Variants in CYP39A1 observed in about 807,000 individuals in gnomAD.
CYP39A1 encodes the protein 24-hydroxycholesterol 7-alpha-hydroxylase.
In CYP39A1, 49 loss-of-function variants were observed where a neutral mutation model predicts 58.1. The observed-to-expected ratio is 0.84, with a 90% confidence interval of 0.67 to 1.07. CYP39A1 has a LOEUF of 1.07. CYP39A1 is among the 50% of genes least tolerant of loss of function. The pLI, the probability that CYP39A1 is intolerant of heterozygous loss-of-function variation, is 0.00. For missense variants in CYP39A1, 531 were observed against 539.4 expected (o/e 0.98, Z 0.16); for synonymous variants, 209 against 187.6 (o/e 1.11, Z -0.93).
chr6:46,555,022 C>T (rs979945471), intron 10 of CYP39A1, among the ~76,000 whole-genome samples: 7 of 150,038 alleles, frequency 4.7e-5, no homozygotes, highest in African/African-American at 1.5e-4. Context: ...TCTTCACTAT[C>T]TCCTCATTAC....
At chr6:46,613,910 T>C (rs1483358505) in intron 7 of CYP39A1, among the ~76,000 whole-genome samples, 1 of 145,550 alleles carries the variant, frequency 6.9e-6, no homozygotes, top group Non-Finnish European at 1.5e-5. Flanking sequence ...CTTTAGTAGT[T>C]ATTTTGAAAA....
intron 7 of CYP39A1, among the ~76,000 whole-genome samples, chr6:46,615,696 A>G (rs1264962607): frequency 6.6e-6 from 1 of 151,922 alleles, no homozygotes; most frequent in East Asian, 1.9e-4. Flanking sequence ...CCTAATATTA[A>G]CCATTTTTTA....
intron 4 of CYP39A1, 84 bp downstream of exon 4, chr6:46,637,745 A>C (rs1423410776): frequency 6.9e-7 from 1 of 1,448,338 alleles, no homozygotes; most frequent in African/African-American, 1.4e-5. Context: ...CTGCTGTTAC[A>C]TCTACTTAGA....
chr6:46,632,937 T>A (rs572085192), intron 5 of CYP39A1, among the ~76,000 whole-genome samples: 1 of 152,038 alleles, frequency 6.6e-6, no homozygotes, highest in Non-Finnish European at 1.5e-5. Context: ...AAAAAACTAT[T>A]CAATCACTAG....
At chr6:46,619,578 T>C (rs1188248269) in intron 7 of CYP39A1, among the ~76,000 whole-genome samples, 1 of 152,040 alleles carries the variant, frequency 6.6e-6, no homozygotes, top group East Asian at 1.9e-4. Context: ...AAAATATCTA[T>C]CTGAAGAGGA....
chr6:46,630,645 G>A (rs1775601453), intron 6 of CYP39A1, among the ~76,000 whole-genome samples: 1 of 152,076 alleles, frequency 6.6e-6, no homozygotes, highest in South Asian at 2.1e-4. Flanking sequence ...TGAGCACATT[G>A]GTAGACATAC....
intron 10 of CYP39A1, among the ~76,000 whole-genome samples, chr6:46,575,266 T>A (rs911258908): frequency 3.3e-5 from 5 of 152,152 alleles, no homozygotes; most frequent in African/African-American, 1.2e-4. Context: ...TAGTGGAGCA[T>A]GGCCATGGAC....
At chr6:46,636,623 G>A (rs951436666) in intron 4 of CYP39A1, 141 bp from the exon 5 acceptor site, 8 of 619,814 alleles carry the variant, frequency 1.3e-5, no homozygotes, top group South Asian at 2.0e-5. Context: ...TTTCATGGAA[G>A]GTCTACCTTC....
chr6:46,648,744 G>C (rs1241580277), intron 1 of CYP39A1, among the ~76,000 whole-genome samples: 1 of 151,682 alleles, frequency 6.6e-6, no homozygotes, highest in Non-Finnish European at 1.5e-5. Flanking sequence ...ATGCAGAGAG[G>C]GTAGGTCAAA....
chr6:46,568,748 A>C (rs537430461), intron 10 of CYP39A1, among the ~76,000 whole-genome samples: 7 of 152,160 alleles, frequency 4.6e-5, no homozygotes, highest in African/African-American at 1.7e-4. Context: ...ATTGGTCTAC[A>C]TGTCTATCTT....
chr6:46,624,401 T>A (rs1321942019), intron 7 of CYP39A1, among the ~76,000 whole-genome samples: 1 of 152,200 alleles, frequency 6.6e-6, no homozygotes, highest in Admixed American at 6.5e-5. Context: ...CTTTCCAGAA[T>A]CTAACCTGTT....
intron 3 of CYP39A1, among the ~76,000 whole-genome samples, chr6:46,639,041 C>T (rs1776165620): frequency 6.6e-6 from 1 of 152,166 alleles, no homozygotes; most frequent in Non-Finnish European, 1.5e-5. Context: ...GTAACACAAA[C>T]ATCTCCTGGA....
chr6:46,630,745 C>A (rs552800494), intron 6 of CYP39A1, among the ~76,000 whole-genome samples: 1 of 152,334 alleles, frequency 6.6e-6, no homozygotes, highest in African/African-American at 2.4e-5. Context: ...TTTCAGAGGA[C>A]AGAATTTGCT....
chr6:46,632,812 A>G (rs1292389522), intron 5 of CYP39A1, among the ~76,000 whole-genome samples: 1 of 152,110 alleles, frequency 6.6e-6, no homozygotes, highest in Non-Finnish European at 1.5e-5. Context: ...CTAAGCCACT[A>G]TGCTATACTG....
intron 7 of CYP39A1, among the ~76,000 whole-genome samples, chr6:46,606,327 T>C (rs1335701884): frequency 6.6e-6 from 1 of 152,188 alleles, no homozygotes; most frequent in Non-Finnish European, 1.5e-5. Flanking sequence ...AAAAATAATG[T>C]AGCATTCTTG....
At chr6:46,609,299 A>T (rs1238730273) in intron 7 of CYP39A1, among the ~76,000 whole-genome samples, 1 of 151,696 alleles carries the variant, frequency 6.6e-6, no homozygotes, top group Non-Finnish European at 1.5e-5. Flanking sequence ...GCTACTCGGG[A>T]GGCTGAGGCA....
chr6:46,581,406 A>G (rs1297994696), intron 10 of CYP39A1, among the ~76,000 whole-genome samples: 5 of 59,634 alleles, frequency 8.4e-5, no homozygotes, highest in African/African-American at 6.9e-4. Flanking sequence ...CCTGTCTCAG[A>G]AAAAAAAAAA....
chr6:46,644,580 G>C (rs908787244), intron 1 of CYP39A1, among the ~76,000 whole-genome samples: 2 of 152,108 alleles, frequency 1.3e-5, no homozygotes, highest in Admixed American at 6.6e-5. Context: ...TTCAGTTTAG[G>C]GCTATCGCAA....
chr6:46,623,528 T>C (rs181705167), intron 7 of CYP39A1, among the ~76,000 whole-genome samples: 2 of 152,250 alleles, frequency 1.3e-5, no homozygotes, highest in Admixed American at 1.3e-4. Context: ...GTGTGCACCA[T>C]CCAATCCACT....
Sources: gnomAD v4.1 joint callset for allele counts (sites outside exome capture counted in the v4.1 genomes callset) on GRCh38, gnomAD v4.1.1 for gene constraint, MANE v1.5 for transcripts, NCBI Gene and HGNC (gene_info 2026-07-23, HGNC 2026-07-21) for gene names.